NUP93: variants seen among roughly 807,000 people sequenced by gnomAD.
NUP93 encodes the protein nuclear pore complex protein Nup93.
Under a neutral mutation model 107.8 loss-of-function variants are expected in NUP93, and 55 were observed. The observed-to-expected ratio is 0.51, with a 90% CI of 0.41 to 0.64. NUP93 has a LOEUF of 0.64. Ranked by LOEUF, NUP93 falls within the 30% of genes least tolerant of loss-of-function variation. The pLI, the probability that NUP93 is intolerant of heterozygous loss-of-function variation, is 0.00. For missense variants in NUP93, 937 were observed against 1,044.7 expected (o/e 0.90, Z 1.42); for synonymous variants, 390 against 397.5 (o/e 0.98, Z 0.22).
Position 56,841,834 on chromosome 16 carries a change from G to C in NUP93, c.2349+1G>C, listed in dbSNP as rs144608323. On this transcript the variant is annotated splice_donor_variant, in intron 21 of 21. Coordinates refer to ENST00000308159, the MANE Select transcript of NUP93 (RefSeq NM_014669.5). LOFTEE classifies it high-confidence loss of function. ...GCGAGTCATCGAGGACCGCGACTCT[G>C]TAAGATCCCAGCATTCGCGAGAAAC... 1 of 1,613,844 alleles carries C rather than the reference G, an allele frequency of 6.2e-7. No individual in the cohort carries two copies. The highest frequency in any genetic ancestry group is 8.5e-7 in the Non-Finnish European group (1 of 1,179,860).
intron 1 of NUP93, among the ~76,000 whole-genome samples, chr16:56,735,312 G>A (rs548723963): frequency 6.6e-6 from 1 of 152,254 alleles, no homozygotes; most frequent in Non-Finnish European, 1.5e-5. Flanking sequence ...TCGAGCTAAA[G>A]AGTGAAGGAG....
At chr16:56,749,413 G>T (rs1385219558) in intron 2 of NUP93, among the ~76,000 whole-genome samples, 1 of 152,172 alleles carries the variant, frequency 6.6e-6, no homozygotes, top group Non-Finnish European at 1.5e-5. Context: ...CAAACCTAGT[G>T]AGGTTGACTC....
At chr16:56,817,863 C>G (rs1963465095) in intron 5 of NUP93, among the ~76,000 whole-genome samples, 3 of 152,144 alleles carry the variant, frequency 2.0e-5, no homozygotes, top group Admixed American at 1.3e-4. Context: ...GTGCATACAA[C>G]GTAGGTGTGG....
chr16:56,755,607 C>T (rs1465977042), intron 2 of NUP93, among the ~76,000 whole-genome samples: 4 of 152,010 alleles, frequency 2.6e-5, no homozygotes, highest in East Asian at 1.9e-4. Flanking sequence ...CAGGCATGGT[C>T]GCTCACGCCT....
intron 5 of NUP93, among the ~76,000 whole-genome samples, chr16:56,812,635 G>T (rs1378950613): frequency 3.9e-5 from 6 of 152,126 alleles, no homozygotes; most frequent in African/African-American, 1.4e-4. Context: ...GAGCCACTGT[G>T]TCCGCCCCCC....
In NUP93 at chr16:56,837,684, A is replaced by T. The variant is rs1963940832; in HGVS notation, c.1976A>T (p.Asn659Ile). Residue 659 changes from asparagine (N) to isoleucine (I), a missense_variant, in exon 18 of 22, where the codon AAC (asparagine) becomes ATC (isoleucine). Physicochemically the swap from Asn to Ile is moderately radical, Grantham distance 149. Transcript: ENST00000308159. ...VVPQISAPQS[N>I]KERLKNMALS... ...CCCCAGATCAGTGCCCCGCAATCCA[A>T]CAAGGAGAGGCTGAAGAACATGGCA... The T allele has an allele frequency of 6.2e-7, 1 of 1,614,148 alleles. No homozygotes were observed. Among genetic ancestry groups the T allele is most frequent in the Non-Finnish European group, 8.5e-7 (1 of 1,179,998 alleles).
At chr16:56,769,675 G>A (rs562157784) in intron 3 of NUP93, among the ~76,000 whole-genome samples, 1 of 152,272 alleles carries the variant, frequency 6.6e-6, no homozygotes, top group South Asian at 2.1e-4. Context: ...AAAATAGGTT[G>A]TGTTCAGCTT....
intron 1 of NUP93, chr16:56,741,767 CTG>C (rs1216735535): frequency 6.6e-6 from 1 of 152,174 alleles, no homozygotes; most frequent in Non-Finnish European, 1.5e-5. Flanking sequence ...GTGCTAACAA[CTG>C]TCTTTTTTAG....
rs763026337 is a variant in NUP93, at chr16:56,848,708, A to G, written c.*4099A>G. On this transcript the variant is annotated 3_prime_UTR_variant, in exon 22 of 22. Coordinates refer to ENST00000308159, the MANE Select transcript of NUP93 (RefSeq NM_014669.5). ...GCTGCTTTTTTGCCTTGTTACGCACATAACTTGTGACTGGCTAGATAGGCC... is the reference window on the plus strand; with the variant it reads ...GCTGCTTTTTTGCCTTGTTACGCACGTAACTTGTGACTGGCTAGATAGGCC... 2 of 152,246 alleles carry G rather than the reference A, an allele frequency of 1.3e-5. No homozygotes were observed. The highest frequency in any genetic ancestry group is 2.9e-5 in the Non-Finnish European group (2 of 68,028). The allele number at this position is 152,246 out of a possible 1,614,324, so 9.4% of individuals were successfully genotyped here.
chr16:56,825,660 A>C (rs1276071922), intron 8 of NUP93, among the ~76,000 whole-genome samples: 7 of 152,144 alleles, frequency 4.6e-5, no homozygotes, highest in African/African-American at 1.7e-4. Context: ...CTGGTAAGCC[A>C]GTCCATTTCT....
At chr16:56,764,291 G>T (rs1364840428) in intron 3 of NUP93, among the ~76,000 whole-genome samples, 1 of 152,160 alleles carries the variant, frequency 6.6e-6, no homozygotes, top group Non-Finnish European at 1.5e-5. Context: ...AGAAGTTCAA[G>T]ATCAGCCTAG....
Position 56,839,013 on chromosome 16 carries a change from G to A in NUP93, c.2080G>A (p.Asp694Asn), listed in dbSNP as rs1379269755. 6.2e-7 allele frequency: 1 copy of A among 1,614,044 alleles called. No homozygotes were observed. Among genetic ancestry groups the A allele is most frequent in the Admixed American group, 1.7e-5 (1 of 60,006 alleles). ...GGACTCCACGTTCTATCTTCTTTTG[G>A]ACTTGATCACCTTTTTTGACGAGTA... Reference protein sequence around the residue: ...FVDSTFYLLLDLITFFDEYHS... With the variant: ...FVDSTFYLLLNLITFFDEYHS... The change falls in exon 19 of 22, where the codon GAC becomes AAC. Residue 694 changes from aspartate (D) to asparagine (N), a missense_variant. Physicochemically the swap from Asp to Asn is conservative, Grantham distance 23 (BLOSUM62 1). Coordinates refer to ENST00000308159, the MANE Select transcript of NUP93 (RefSeq NM_014669.5).
In NUP93 at chr16:56,837,260, G is replaced by A. The variant is rs147782696; in HGVS notation, c.1900-348G>A. ...TTCTCTCCTTTATCAACTGAGAAAA[G>A]TAGACAAAAAAACAGCTATAGGCCA... On this transcript the variant is annotated intron_variant, in intron 17 of 21. Transcript: ENST00000308159. 2.6e-3 allele frequency among the ~76,000 whole-genome samples: 390 copies of A among 152,284 alleles called. 2 individuals carry two copies. The highest frequency in any genetic ancestry group is 8.8e-3 in the African/African-American group (364 of 41,556).
chr16:56,740,455 TC>T (rs1335753919), intron 1 of NUP93, among the ~76,000 whole-genome samples: 50 of 151,134 alleles, frequency 3.3e-4, no homozygotes, highest in African/African-American at 1.2e-3. Flanking sequence ...GCTCCTCACT[TC>T]CTAGATGTGA....
At chr16:56,833,699 TG>T (rs1963850226) in intron 13 of NUP93, among the ~76,000 whole-genome samples, 1 of 151,694 alleles carries the variant, frequency 6.6e-6, no homozygotes, top group South Asian at 2.1e-4. Context: ...CCTAGAGTTA[TG>T]GGTCTGATTC....
At chr16:56,794,002 C>T (rs1240489061) in intron 3 of NUP93, among the ~76,000 whole-genome samples, 1 of 151,840 alleles carries the variant, frequency 6.6e-6, no homozygotes, top group African/African-American at 2.4e-5. Context: ...GTGCAGTGAG[C>T]CGAGATCACG....
Position 56,831,890 on chromosome 16 carries a change from C to T in NUP93, c.1134C>T (p.Ala378=). 2 of 1,614,064 alleles carry T rather than the reference C, an allele frequency of 1.2e-6. No homozygotes were observed. Among genetic ancestry groups the T allele is most frequent in the Non-Finnish European group, 1.7e-6 (2 of 1,180,028 alleles). The change falls in exon 11 of 22, where the codon GCC becomes GCT. Residue 378 remains alanine, a synonymous_variant. Transcript: ENST00000308159. ...ENKLRLHYRR[A]LRNNTDPYKR... ...AGCTCCGGCTGCATTACCGTAGGGC[C>T]CTCAGGAACAATACAGATCCCTACA...
intron 5 of NUP93, among the ~76,000 whole-genome samples, chr16:56,808,521 T>A (rs1265940228): frequency 8.1e-6 from 1 of 124,036 alleles, no homozygotes; most frequent in Non-Finnish European, 1.6e-5. Context: ...TATGTAACTA[T>A]ATATAAATAT....
chr16:56,762,891 T>G (rs1338627784), intron 3 of NUP93, among the ~76,000 whole-genome samples: 1 of 152,184 alleles, frequency 6.6e-6, no homozygotes, highest in Non-Finnish European at 1.5e-5. Context: ...TTCTTCCTTG[T>G]GTGTGTCAGG....
Sources: allele counts gnomAD v4.1 joint callset (sites outside exome capture counted in the v4.1 genomes callset), GRCh38; gene constraint gnomAD v4.1.1; transcripts MANE v1.5; gene names NCBI Gene and HGNC (gene_info 2026-07-23, HGNC 2026-07-21).